The following ABCA1 variants were observed in gnomAD, a reference collection of about 807,000 sequenced individuals.
The protein encoded by ABCA1 is phospholipid-transporting ATPase ABCA1.
ABCA1 carries 133 observed loss-of-function variants against 262.5 expected under a neutral mutation model. The ratio of observed to expected loss-of-function variants is 0.51; its 90% confidence interval spans 0.44 to 0.59. The LOEUF (loss-of-function observed/expected upper bound fraction) is 0.59. Among genes scored for constraint, ABCA1 ranks in the 20% least tolerant of loss-of-function variants. The probability of loss-of-function intolerance (pLI) is 0.00; values close to 1 mark genes in which losing one functional copy is unlikely to be tolerated. For missense variants in ABCA1, 2,452 were observed against 2,777.5 expected, an observed-to-expected ratio of 0.88 and a Z score of 2.63; for synonymous variants, 1,022 against 1,043.5, an observed-to-expected ratio of 0.98 and a Z score of 0.40.
chr9:104,821,485 G>A lies in ABCA1; in HGVS notation c.2850C>T (p.Phe950=), dbSNP rs778629398. 10 of 1,613,872 alleles carry A rather than the reference G, an allele frequency of 6.2e-6. No homozygotes were observed. In the African/African-American group the frequency reaches 1.1e-4, roughly 17 times the overall value. ...TGTAGGCGGTGCCCGAGGTCGGGGG[G>A]AACAACCCGGTCAGGATTGACCTGA... ...TTTMSILTGL[F]PPTSGTAYIL... is the part of the protein sequence containing the mutation. Residue 950 remains phenylalanine, a synonymous_variant, in exon 20 of 50, where the codon TTC becomes TTT. Transcript: ENST00000374736.
intron 7 of ABCA1, among the ~76,000 whole-genome samples, chr9:104,849,612 T>C (rs1384949948): frequency 6.6e-6 from 1 of 152,234 alleles, no homozygotes. Context: ...CAGGCATGGA[T>C]TGACATCACA....
At chr9:104,918,281 G>A (rs1841955260) in intron 1 of ABCA1, among the ~76,000 whole-genome samples, 1 of 152,162 alleles carries the variant, frequency 6.6e-6, no homozygotes, top group Non-Finnish European at 1.5e-5. Context: ...AGTAGAAGAT[G>A]AAAACCTGTA....
At chr9:104,884,362 G>A in intron 4 of ABCA1, 65 bp downstream of exon 4, 1 of 1,599,570 alleles carries the variant, frequency 6.3e-7, no homozygotes. Flanking sequence ...ATTCTCCAGA[G>A]GACAAGAAAG....
Position 104,868,806 on chromosome 9 carries a change from A to G in ABCA1, c.422-7006T>C, listed in dbSNP as rs564313037. On this transcript the variant is annotated intron_variant, in intron 5 of 49. Coordinates refer to ENST00000374736, the MANE Select transcript of ABCA1 (RefSeq NM_005502.4). Reference sequence around the variant, plus strand: ...CCACACATCCAGGCCTCTGGGACCAAGCCGGGGAACCAGCTGGGACCTCTG... The same window carrying G: ...CCACACATCCAGGCCTCTGGGACCAGGCCGGGGAACCAGCTGGGACCTCTG... Among the ~76,000 whole-genome samples, 8 of 152,310 alleles carry G rather than the reference A, an allele frequency of 5.3e-5. No individual in the cohort carries two copies. The East Asian group carries it at 1.4e-3, about 26-fold the overall frequency.
At chr9:104,829,227 G>A (rs979107799) in intron 14 of ABCA1, 89 bp from the exon 15 acceptor site, 4 of 1,312,040 alleles carry the variant, frequency 3.0e-6, no homozygotes, top group Admixed American at 1.9e-5. Flanking sequence ...GCATGCTAGA[G>A]GGAGCACCAC....
At position 104,834,407 on chromosome 9, in the gene ABCA1, T is replaced by G. The variant is rs950539954; in HGVS notation, c.1312-1636A>C. Among the ~76,000 whole-genome samples, 24 of 149,610 alleles carry G rather than the reference T, an allele frequency of 1.6e-4. 2 individuals are homozygous for G. Among genetic ancestry groups the G allele is most frequent in the Non-Finnish European group, 3.4e-4 (23 of 67,536 alleles). ...TATACCATCACCAGGAAGGTATGTA[T>G]GTATTTTTGTTAACATAACAGACAC... On this transcript the variant is annotated intron_variant, in intron 11 of 49. Transcript: ENST00000374736.
At chr9:104,918,799 T>C (rs1841979074) in intron 1 of ABCA1, among the ~76,000 whole-genome samples, 1 of 152,182 alleles carries the variant, frequency 6.6e-6, no homozygotes, top group African/African-American at 2.4e-5. Flanking sequence ...GGAAAGCTGC[T>C]GCTTGCATCA....
chr9:104,818,970 C>G, intron 22 of ABCA1, 87 bp from the exon 23 acceptor site: 1 of 1,290,694 alleles, frequency 7.7e-7, no homozygotes, highest in Non-Finnish European at 1.1e-6. Context: ...GAGATATTAG[C>G]AGGGGTAAGC....
chr9:104,840,156 G>C lies in ABCA1; in HGVS notation c.1054+123C>G, dbSNP rs546791629. 1.6e-5 allele frequency: 24 copies of C among 1,533,388 alleles called. No individual in the cohort carries two copies. The African/African-American group carries it at 3.1e-4, about 20-fold the overall frequency. The allele number at this position is 1,533,388 out of a possible 1,614,324, so 95.0% of individuals were successfully genotyped here. A position where few individuals can be genotyped will look rare whatever the true frequency, so the allele number is the denominator to read the frequency against. ...CTCTCCTCTAGGAAGAGCTCAGTCTGGTGGGCAAATGGGCATGTAGACATC... is the reference window on the plus strand; with the variant it reads ...CTCTCCTCTAGGAAGAGCTCAGTCTCGTGGGCAAATGGGCATGTAGACATC... On this transcript the variant is annotated intron_variant, in intron 9 of 49. Coordinates refer to ENST00000374736, the MANE Select transcript of ABCA1 (RefSeq NM_005502.4).
At chr9:104,799,543 ATAATT>A (rs1219869879) in intron 36 of ABCA1, 1 of 981,724 alleles carries the variant, frequency 1.0e-6, no homozygotes, top group Non-Finnish European at 1.2e-6. Context: ...TAATTAAATT[ATAATT>A]TAATTAACAA....
rs758665579 is a variant in ABCA1 at position 104,816,369 on chromosome 9, T to C, written c.3536-24A>G. ...ATCTGCAGGGACCAGAATGCAAAGA[T>C]GGCTCAATCAACTCAGAGGGGCTTC... On this transcript the variant is annotated intron_variant, in intron 24 of 49. Transcript: ENST00000374736. The C allele has an allele frequency of 3.7e-5, 59 of 1,610,564 alleles. No individual in the cohort carries two copies. In the Middle Eastern group the frequency reaches 5.9e-4, roughly 16 times the overall value.
In ABCA1 at chr9:104,903,550, C is replaced by T. The variant is rs765532463; in HGVS notation, c.66+64G>A. Reference sequence around the variant, plus strand: ...TCCTTCCCTCCCTCCCTCCTCCAATCCCCAACTCAAAACCACAAAGAAAAA... The same window carrying T: ...TCCTTCCCTCCCTCCCTCCTCCAATTCCCAACTCAAAACCACAAAGAAAAA... On this transcript the variant is annotated intron_variant, in intron 2 of 49. Coordinates refer to ENST00000374736, the MANE Select transcript of ABCA1 (RefSeq NM_005502.4). 4.8e-4 allele frequency: 720 copies of T among 1,501,170 alleles called. 2 individuals are homozygous for T. The highest frequency in any genetic ancestry group is 6.1e-4 in the Non-Finnish European group (673 of 1,100,622). 93.0% of individuals were successfully genotyped at this position (1,501,170 alleles called of 1,614,324 possible).
At position 104,793,223 on chromosome 9, in the gene ABCA1, C is replaced by A; in HGVS notation, c.5584G>T (p.Val1862Leu). The A allele has an allele frequency of 1.2e-6, 2 of 1,614,044 alleles. No individual in the cohort carries two copies. Among genetic ancestry groups the A allele is most frequent in the Non-Finnish European group, 1.7e-6 (2 of 1,179,996 alleles). The change falls in exon 41 of 50, where the codon GTG (valine) becomes TTG (leucine). Residue 1862 changes from valine (V) to leucine (L), a missense_variant. Physicochemically the swap from Val to Leu is conservative, Grantham distance 32 (BLOSUM62 1). Around this residue, in one of 4 missense-constraint regions of ABCA1, gnomAD observed 752 missense variants for 944.5 expected, o/e 0.80. Transcript: ENST00000374736. The stretch of plus-strand genomic sequence containing the variant: ...ATCAGAACAGTAATGAGGAAGAACA[C>A]CACCCCTTCCACGGCCATGGCGAAG... The part of the protein sequence containing the change: ...NLFAMAVEGV[V>L]FFLITVLIQY...
intron 12 of ABCA1, 23 bp from the exon 13 acceptor site, chr9:104,831,850 G>A: frequency 1.2e-6 from 2 of 1,612,318 alleles, no homozygotes; most frequent in Non-Finnish European, 1.7e-6. Flanking sequence ...CAGCCTTCAT[G>A]AGAACGTTGG....
intron 1 of ABCA1, among the ~76,000 whole-genome samples, chr9:104,919,442 T>G (rs1842017400): frequency 6.6e-6 from 1 of 152,042 alleles, no homozygotes; most frequent in East Asian, 1.9e-4. Flanking sequence ...AAACCCCGTC[T>G]CTATTAAAAA....
intron 30 of ABCA1, among the ~76,000 whole-genome samples, chr9:104,808,181 T>G (rs1234399446): frequency 2.0e-5 from 3 of 152,150 alleles, no homozygotes; most frequent in Non-Finnish European, 4.4e-5. Flanking sequence ...TAAAGGCTCT[T>G]CCTTCCAACC....
chr9:104,819,066 C>T (rs556079895), intron 22 of ABCA1, among the ~76,000 whole-genome samples, 183 bp from the exon 23 acceptor site: 1 of 152,298 alleles, frequency 6.6e-6, no homozygotes, highest in Admixed American at 6.5e-5. Context: ...GGTACCACAT[C>T]CTCACAGAGG....
intron 44 of ABCA1, among the ~76,000 whole-genome samples, chr9:104,790,449 G>A (rs979891543): frequency 6.6e-6 from 1 of 152,114 alleles, no homozygotes; most frequent in Admixed American, 6.5e-5. Context: ...CACATCTTAG[G>A]AAATGTAACC....
chr9:104,872,965 T>C (rs1393530195), intron 5 of ABCA1, among the ~76,000 whole-genome samples: 1 of 152,238 alleles, frequency 6.6e-6, no homozygotes, highest in African/African-American at 2.4e-5. Flanking sequence ...GTTCAAGTAA[T>C]ATTTCAACAT....
Sources: gnomAD v4.1 joint callset for allele counts (sites outside exome capture counted in the v4.1 genomes callset) on GRCh38, gnomAD v4.1.1 for gene constraint, gnomAD v4.1.1 regional missense constraint, MANE v1.5 for transcripts, NCBI Gene and HGNC (gene_info 2026-07-23, HGNC 2026-07-21) for gene names.